LINGO2: variants seen among roughly 807,000 people sequenced by gnomAD.
LINGO2 encodes the protein leucine-rich repeat and immunoglobulin-like domain-containing nogo receptor-interacting protein 2.
A neutral mutation model predicts 30.6 loss-of-function variants in LINGO2; 14 were observed. That is an observed-to-expected ratio of 0.46 (90% CI 0.30 to 0.72). The LOEUF (loss-of-function observed/expected upper bound fraction) is 0.72. LINGO2 is among the 30% of genes least tolerant of loss of function. LINGO2 has a pLI of 0.07. For missense variants in LINGO2, 729 were observed against 751.7 expected (o/e 0.97, Z 0.35); for synonymous variants, 317 against 288.5 (o/e 1.10, Z -1.00).
chr9:28,350,183 C>T (rs1292120049), intron 3 of LINGO2, among the ~76,000 whole-genome samples: 4 of 142,806 alleles, frequency 2.8e-5, no homozygotes, highest in African/African-American at 1.1e-4. Flanking sequence ...CTAAATGCTC[C>T]AATTAAAAGA....
chr9:28,990,546 T>A, the LINGO2 span, among the ~76,000 whole-genome samples: 2 of 152,306 alleles, frequency 1.3e-5, no homozygotes, highest in East Asian at 3.9e-4. Context: ...ACAGGCAGAC[T>A]GCCTTTTCAA....
intron 2 of LINGO2, 60 bp from the exon 5 acceptor site, chr9:28,372,928 C>T (rs1358204223): frequency 6.6e-6 from 1 of 152,302 alleles, no homozygotes; most frequent in Non-Finnish European, 1.5e-5. Flanking sequence ...TAAAGTAACA[C>T]AAGAAGTCAA....
the LINGO2 span, among the ~76,000 whole-genome samples, chr9:29,092,558 C>A: frequency 0.19 from 26,992 of 139,786 alleles, 2,779 homozygotes; most frequent in East Asian, 0.35. Flanking sequence ...AGCCATAATT[C>A]ATATAGATTT....
At position 28,147,906 on chromosome 9, in the gene LINGO2, C is replaced by A. The variant is rs779391945; in HGVS notation, c.-86-135501G>T. ...AACTCCCAGATGCCCAGTGTGCACC[C>A]GGCCACAGAGAAGTGGGTGACTTAG... is the stretch of plus-strand genomic sequence containing the variant. On this transcript the variant is annotated intron_variant, in intron 4 of 5. Coordinates refer to ENST00000379992, the Ensembl canonical transcript of LINGO2. This position sits in a 1 kb window ranked among gnomAD's most constrained non-coding sequence, Gnocchi z 4.7. Among the ~76,000 whole-genome samples the A allele has an allele frequency of 2.6e-5, 4 of 152,152 alleles. No individual in the cohort carries two copies. Among genetic ancestry groups the A allele is most frequent in the Non-Finnish European group, 5.9e-5 (4 of 68,030 alleles).
chr9:28,898,754 A>C, the LINGO2 span, among the ~76,000 whole-genome samples: 1 of 152,190 alleles, frequency 6.6e-6, no homozygotes, highest in Non-Finnish European at 1.5e-5. Context: ...GAAACAACAG[A>C]CACTGGGACC....
intron 1 of LINGO2, among the ~76,000 whole-genome samples, chr9:28,496,597 C>T (rs1013135871): frequency 1.1e-4 from 16 of 151,956 alleles, no homozygotes; most frequent in South Asian, 1.0e-3. Context: ...ACTGATGGGT[C>T]CTGACTCTTT....
rs1825552226 is a variant in LINGO2 at position 28,073,922 on chromosome 9, CTAT to C, written c.-86-61520_-86-61518del. On this transcript the variant is annotated intron_variant, in intron 4 of 5. Transcript: ENST00000379992. ...GAGGTTTTCTTGAAAGGGTGCTCTA[CTAT>C]TGTCTTCAGAATATTCTTTCAAAAT... Among the ~76,000 whole-genome samples the C allele has an allele frequency of 3.3e-5, 5 of 152,164 alleles. 1 individual carries two copies. In the South Asian group the frequency reaches 1.0e-3, roughly 32 times the overall value.
chr9:28,005,017 G>A (rs1024627726), intron 5 of LINGO2, among the ~76,000 whole-genome samples: 13 of 152,298 alleles, frequency 8.5e-5, no homozygotes, highest in South Asian at 8.3e-4. Context: ...CCTTTGTTAC[G>A]CAAGAAGAGG....
intron 1 of LINGO2, among the ~76,000 whole-genome samples, chr9:28,490,467 G>A (rs1445180107): frequency 6.6e-6 from 1 of 152,150 alleles, no homozygotes; most frequent in Non-Finnish European, 1.5e-5. Flanking sequence ...CTCATAGAGT[G>A]GGAGTTTTGT....
At chr9:28,754,254 CA>C in the LINGO2 span, among the ~76,000 whole-genome samples, 4 of 151,990 alleles carry the variant, frequency 2.6e-5, no homozygotes, top group African/African-American at 9.7e-5. Context: ...TGACATTTTA[CA>C]AATAAAGAAG....
intron 2 of LINGO2, among the ~76,000 whole-genome samples, chr9:28,429,783 G>A (rs901098150): frequency 3.3e-5 from 5 of 151,994 alleles, no homozygotes; most frequent in Non-Finnish European, 5.9e-5. Flanking sequence ...TAAAGATGTA[G>A]CCCCTGGTGT....
At chr9:28,359,445 C>T (rs189238299) in intron 3 of LINGO2, among the ~76,000 whole-genome samples, 28 of 152,136 alleles carry the variant, frequency 1.8e-4, no homozygotes, top group Non-Finnish European at 3.4e-4. Flanking sequence ...CATTTCCTGT[C>T]CCCACACACA....
intron 1 of LINGO2, among the ~76,000 whole-genome samples, chr9:28,626,288 T>A (rs893896944): frequency 6.6e-6 from 1 of 152,100 alleles, no homozygotes; most frequent in Non-Finnish European, 1.5e-5. Context: ...TATTGTTGAG[T>A]TGTAAATGTC....
At chr9:28,277,855 A>C (rs1318843409) in intron 4 of LINGO2, among the ~76,000 whole-genome samples, 4 of 151,606 alleles carry the variant, frequency 2.6e-5, no homozygotes, top group Non-Finnish European at 4.4e-5. Flanking sequence ...AAAAACAAAA[A>C]AAAAAACAAC....
chr9:28,060,234 C>T (rs1825100906), intron 4 of LINGO2, among the ~76,000 whole-genome samples: 1 of 152,066 alleles, frequency 6.6e-6, no homozygotes, highest in South Asian at 2.1e-4. Context: ...TAGAGGCAAA[C>T]AGTTGAATTC....
At chr9:28,739,006 G>C in the LINGO2 span, among the ~76,000 whole-genome samples, 1 of 151,876 alleles carries the variant, frequency 6.6e-6, no homozygotes, top group Non-Finnish European at 1.5e-5. Context: ...ATACATCCTG[G>C]TAATGAAACA....
the LINGO2 span, among the ~76,000 whole-genome samples, chr9:28,751,806 G>A: frequency 6.6e-6 from 1 of 151,714 alleles, no homozygotes; most frequent in Non-Finnish European, 1.5e-5. Context: ...CGTATGTATT[G>A]GCTCCACCTG....
At position 28,172,039 on chromosome 9, in the gene LINGO2, A is replaced by AAAC. The variant is rs1554682068; in HGVS notation, c.-87+123168_-87+123169insGTT. Reference sequence around the variant, plus strand: ...CTCAAAAAAAAAAAAAAAAACAAAAAAAAAAACCCAGCATCTCCTACCACT... The same window carrying AAAC: ...CTCAAAAAAAAAAAAAAAAACAAAAAAACAAAAAACCCAGCATCTCCTACCACT... On this transcript the variant is annotated intron_variant, in intron 4 of 5. Coordinates refer to ENST00000379992, the Ensembl canonical transcript of LINGO2. Among the ~76,000 whole-genome samples, 3 of 137,812 alleles carry AAAC rather than the reference A, an allele frequency of 2.2e-5. 1 individual carries two copies. Among genetic ancestry groups the AAAC allele is most frequent in the Non-Finnish European group, 4.7e-5 (3 of 64,108 alleles). 90.4% of individuals were successfully genotyped at this position (137,812 alleles called of 152,430 possible).
chr9:28,990,473 G>A, the LINGO2 span, among the ~76,000 whole-genome samples: 1 of 152,176 alleles, frequency 6.6e-6, no homozygotes, highest in South Asian at 2.1e-4. Context: ...AGACTTAAAT[G>A]TCCCTGTCTG....
Sources: allele counts gnomAD v4.1 joint callset (sites outside exome capture counted in the v4.1 genomes callset), GRCh38; gene constraint gnomAD v4.1.1; non-coding constraint Gnocchi (gnomAD v3.1); transcripts MANE v1.5; gene names NCBI Gene and HGNC (gene_info 2026-07-23, HGNC 2026-07-21).